The following SLC2A11 variants were observed in gnomAD, a reference collection of about 807,000 sequenced individuals.
The protein encoded by SLC2A11 is solute carrier family 2 member 11.
Under a neutral mutation model 52.1 loss-of-function variants are expected in SLC2A11, and 43 were observed. That is an observed-to-expected ratio of 0.82 (90% confidence interval 0.65 to 1.06). The LOEUF is 1.06. Ranked by LOEUF, SLC2A11 falls within the 50% of genes least tolerant of loss-of-function variation. The pLI, the probability that SLC2A11 is intolerant of heterozygous loss-of-function variation, is 0.00. For missense variants in SLC2A11, 582 were observed against 654.2 expected, an observed-to-expected ratio of 0.89 and a Z score of 1.20; for synonymous variants, 261 against 277.6, an observed-to-expected ratio of 0.94 and a Z score of 0.59.
Position 23,858,916 on chromosome 22 carries a change from C to G in SLC2A11, c.30+887C>G, listed in dbSNP as rs140472665. 2.0e-4 allele frequency among the ~76,000 whole-genome samples: 31 copies of G among 152,300 alleles called. No individual in the cohort carries two copies. In the East Asian group the frequency reaches 5.2e-3, roughly 26 times the overall value. ...CACTGCTGTATCCCAACACCTAGAA[C>G]AGTAGGATTATTGACCATAATAGGG... On this transcript the variant is annotated intron_variant, in intron 1 of 11. Coordinates refer to ENST00000316185, the MANE Select transcript of SLC2A11 (RefSeq NM_001024939.4).
Position 23,884,442 on chromosome 22 carries a change from C to G in SLC2A11, c.1299+13C>G, listed in dbSNP as rs775000434. The G allele has an allele frequency of 1.2e-6, 2 of 1,610,940 alleles. No individual in the cohort carries two copies. The highest frequency in any genetic ancestry group is 1.7e-6 in the Non-Finnish European group (2 of 1,178,314). ...TCCCTTTATCATGGTAGGCCCGCCC[C>G]TCCCGCTGGGGGCCCTGCCTTAGGC... On this transcript the variant is annotated intron_variant, in intron 11 of 11. Transcript: ENST00000316185. This position sits in a 1 kb window ranked among gnomAD's most constrained non-coding sequence, Gnocchi z 4.3.
At chr22:23,857,045 G>A (rs2031852264), upstream of SLC2A11, 1 of 1,477,074 alleles carries the variant, frequency 6.8e-7, no homozygotes. Flanking sequence ...GGAAAGGTCG[G>A]GGATACCTGA....
At chr22:23,870,028 G>A (rs890109206) in intron 3 of SLC2A11, 7 of 717,444 alleles carry the variant, frequency 9.8e-6, no homozygotes, top group Non-Finnish European at 1.8e-5. Flanking sequence ...AAATACCGTT[G>A]CATTGGAAAT....
intron 1 of SLC2A11, 31 bp downstream of exon 1, chr22:23,858,060 C>A: frequency 6.4e-7 from 1 of 1,553,024 alleles, no homozygotes; most frequent in South Asian, 1.2e-5. Flanking sequence ...CCAGACCAGG[C>A]GTTTCAGATG....
At chr22:23,876,023 G>C (rs1398432265) in intron 4 of SLC2A11, among the ~76,000 whole-genome samples, 1 of 152,068 alleles carries the variant, frequency 6.6e-6, no homozygotes, top group Non-Finnish European at 1.5e-5. Flanking sequence ...TGCCCACTTT[G>C]GGGGGCTCTC....
chr22:23,877,716 C>T lies in SLC2A11; in HGVS notation c.546-5C>T, dbSNP rs761474868. The T allele has an allele frequency of 1.5e-5, 24 of 1,580,784 alleles. No homozygotes were observed. The highest frequency in any genetic ancestry group is 7.3e-5 in the Admixed American group (4 of 54,888). On this transcript the variant is annotated splice_region_variant and splice_polypyrimidine_tract_variant and intron_variant, in intron 5 of 11. Transcript: ENST00000316185. ...TCTGGCCTGGCCTCTCCTCTGCCTCCTTAGGGAGCTCCTAGGTGGCCCTCA... is the reference window on the plus strand; with the variant it reads ...TCTGGCCTGGCCTCTCCTCTGCCTCTTTAGGGAGCTCCTAGGTGGCCCTCA...
chr22:23,868,220 T>C (rs1400665154), intron 2 of SLC2A11: 1 of 525,442 alleles, frequency 1.9e-6, no homozygotes, highest in African/African-American at 1.9e-5. Context: ...AGAAATAGTG[T>C]TTTCGCAGAG....
intron 6 of SLC2A11, chr22:23,882,127 G>C: frequency 2.7e-6 from 1 of 365,420 alleles, no homozygotes; most frequent in East Asian, 4.3e-5. Flanking sequence ...CAGGCAGAGA[G>C]AGAGAGAAAC....
In SLC2A11 at chr22:23,863,984, G is replaced by C. The variant is rs182900080; in HGVS notation, c.129+1782G>C. ...GCTGCTGTCACCAGATTCACTTCCT[G>C]CCAGCTGAGAACTCACCCCACCAAC... is the stretch of plus-strand genomic sequence containing the variant. On this transcript the variant is annotated intron_variant, in intron 2 of 11. Transcript: ENST00000316185. Among the ~76,000 whole-genome samples, 87 of 152,118 alleles carry C rather than the reference G, an allele frequency of 5.7e-4. 1 individual carries two copies. In the South Asian group the frequency reaches 9.6e-3, roughly 17 times the overall value.
chr22:23,857,788 C>G (rs1005946229), upstream of SLC2A11: 1 of 1,442,254 alleles, frequency 6.9e-7, no homozygotes, highest in Non-Finnish European at 9.1e-7. Flanking sequence ...GCTGGTGCGG[C>G]CGCTCTCAAT....
Position 23,858,045 on chromosome 22 carries a change from C to T in SLC2A11, c.30+16C>T, listed in dbSNP as rs750758122. The T allele has an allele frequency of 3.3e-5, 52 of 1,555,638 alleles. No individual in the cohort carries two copies. Among genetic ancestry groups the T allele is most frequent in the Non-Finnish European group, 4.4e-5 (51 of 1,149,262 alleles). On this transcript the variant is annotated intron_variant, in intron 1 of 11. Coordinates refer to ENST00000316185, the MANE Select transcript of SLC2A11 (RefSeq NM_001024939.4). ...ATCTAGAATGGTATGAATTCTCATACTTGCCCAGACCAGGCGTTTCAGATG... is the reference window on the plus strand; with the variant it reads ...ATCTAGAATGGTATGAATTCTCATATTTGCCCAGACCAGGCGTTTCAGATG...
chr22:23,861,738 G>A (rs1175305619), intron 1 of SLC2A11, among the ~76,000 whole-genome samples: 1 of 152,230 alleles, frequency 6.6e-6, no homozygotes, highest in Non-Finnish European at 1.5e-5. Flanking sequence ...TCCTGCTGGA[G>A]GCAGAGCCTT....
chr22:23,867,649 G>T, intron 2 of SLC2A11: 2 of 470,084 alleles, frequency 4.3e-6, no homozygotes. Flanking sequence ...AGATTAGAGG[G>T]TCCGAATGTT....
chr22:23,875,789 CAAAT>C (rs1261497294), intron 4 of SLC2A11, among the ~76,000 whole-genome samples: 6 of 152,158 alleles, frequency 3.9e-5, no homozygotes, highest in Admixed American at 6.5e-5. Context: ...TTGTGTGAAA[CAAAT>C]AACCCCAAAA....
At chr22:23,873,015 C>G (rs1204198843) in intron 3 of SLC2A11, 1 of 152,114 alleles carries the variant, frequency 6.6e-6, no homozygotes, top group Non-Finnish European at 1.5e-5. Context: ...AGCTGGGCAG[C>G]TGCTATATCC....
intron 1 of SLC2A11, among the ~76,000 whole-genome samples, chr22:23,858,623 G>A (rs1055572992): frequency 2.6e-5 from 4 of 152,304 alleles, no homozygotes; most frequent in Admixed American, 1.3e-4. Context: ...GATCGCCCAG[G>A]AGTTCGAAGC....
chr22:23,862,265 A>T, intron 2 of SLC2A11, 63 bp downstream of exon 2: 1 of 1,485,304 alleles, frequency 6.7e-7, no homozygotes, highest in South Asian at 1.1e-5. Context: ...ACAGCTGCCC[A>T]CTGAGGGGCT....
At position 23,877,072 on chromosome 22, in the gene SLC2A11, TG is replaced by T. The variant is rs764073876; in HGVS notation, c.451del (p.Glu151ArgfsTer13). 2 of 1,613,898 alleles carry T rather than the reference TG, an allele frequency of 1.2e-6. No individual in the cohort carries two copies. Among genetic ancestry groups the T allele is most frequent in the Non-Finnish European group, 8.5e-7 (1 of 1,179,946 alleles). ...AGCATGAACATCCAGCCCATGTACC[TG>T]GGGGAGAGCGCCCCTAAGGAGCTCC... The part of the protein sequence containing the change: ...GVSMNIQPMY[L>X]GESAPKELRG... On this transcript the variant is annotated frameshift_variant, in exon 5 of 12. Transcript: ENST00000316185. LOFTEE classifies it high-confidence loss of function.
In SLC2A11 at chr22:23,885,003, A is replaced by G. The variant is rs1017161981; in HGVS notation, c.*154A>G. On this transcript the variant is annotated 3_prime_UTR_variant, in exon 12 of 12. Coordinates refer to ENST00000316185, the MANE Select transcript of SLC2A11 (RefSeq NM_001024939.4). Reference sequence around the variant, plus strand: ...ACATGGCTCCAGGTGCTTAGCAATCAATGGTGAGCGTGGTATTCCAGGCTA... The same window carrying G: ...ACATGGCTCCAGGTGCTTAGCAATCGATGGTGAGCGTGGTATTCCAGGCTA... The G allele has an allele frequency of 4.8e-6, 3 of 621,614 alleles. No homozygotes were observed. The highest frequency in any genetic ancestry group is 8.4e-6 in the Non-Finnish European group (3 of 356,110). The allele number at this position is 621,614 out of a possible 1,614,324, so 38.5% of individuals were successfully genotyped here.
Sources: allele counts gnomAD v4.1 joint callset (sites outside exome capture counted in the v4.1 genomes callset), GRCh38; gene constraint gnomAD v4.1.1; non-coding constraint Gnocchi (gnomAD v3.1); transcripts MANE v1.5; gene names NCBI Gene and HGNC (gene_info 2026-07-23, HGNC 2026-07-21).